The following OXR1 variants were observed in gnomAD, a reference collection of about 807,000 sequenced individuals.
The protein encoded by OXR1 is oxidation resistance protein 1.
In OXR1, 41 loss-of-function variants were observed where a neutral mutation model predicts 104.6. The ratio of observed to expected loss-of-function variants is 0.39; its 90% CI spans 0.31 to 0.51. The LOEUF (loss-of-function observed/expected upper bound fraction) is 0.51, where lower values mean the gene tolerates loss of function less well. Among genes scored for constraint, OXR1 ranks in the 20% least tolerant of loss-of-function variants. OXR1 has a pLI of 0.77. For synonymous variants in OXR1, 348 were observed against 348.4 expected, an observed-to-expected ratio of 1.00 and a Z score of 0.01; for missense variants, 955 against 1,031.9, an observed-to-expected ratio of 0.93 and a Z score of 1.02.
intron 2 of OXR1, among the ~76,000 whole-genome samples, chr8:106,501,776 G>A (rs555587634): frequency 6.6e-6 from 1 of 152,150 alleles, no homozygotes; most frequent in South Asian, 2.1e-4. Flanking sequence ...GACTGTCAGT[G>A]CTTTTTCTCC....
Position 106,529,592 on chromosome 8 carries a change from A to G in OXR1, c.220+10453A>G, listed in dbSNP as rs561781642. Among the ~76,000 whole-genome samples, 184 of 152,304 alleles carry G rather than the reference A, an allele frequency of 1.2e-3. 2 individuals are homozygous for G. The highest frequency in any genetic ancestry group is 0.01 in the Middle Eastern group (3 of 294). ...ATAAGCTTGCCAACTCTAGTTTTAT[A>G]GCATTAGTACCTTATTTTATAGATT... On this transcript the variant is annotated intron_variant, in intron 3 of 16. Coordinates refer to ENST00000517566, the MANE Select transcript of OXR1 (RefSeq NM_001198533.2).
At chr8:106,308,892 T>G (rs1478579785) in intron 1 of OXR1, among the ~76,000 whole-genome samples, 1 of 152,250 alleles carries the variant, frequency 6.6e-6, no homozygotes, top group Admixed American at 6.5e-5. Flanking sequence ...TAAATAGTTC[T>G]CAGCTTGACA....
intron 6 of OXR1, among the ~76,000 whole-genome samples, chr8:106,691,401 T>G (rs1035248340): frequency 1.2e-4 from 19 of 152,068 alleles, no homozygotes; most frequent in African/African-American, 4.6e-4. Context: ...TGGTAATTCC[T>G]CTGAACAACT....
At chr8:106,483,480 T>C (rs1015889947) in intron 2 of OXR1, among the ~76,000 whole-genome samples, 1 of 151,956 alleles carries the variant, frequency 6.6e-6, no homozygotes, top group African/African-American at 2.4e-5. Context: ...GAGGATTGCT[T>C]GAGCCTAGAA....
At chr8:106,431,125 T>G (rs1288327549) in intron 2 of OXR1, among the ~76,000 whole-genome samples, 1 of 152,166 alleles carries the variant, frequency 6.6e-6, no homozygotes, top group Non-Finnish European at 1.5e-5. Context: ...TAAGATATGC[T>G]GAAGATATGC....
chr8:106,322,192 A>C (rs1299872395), intron 1 of OXR1, among the ~76,000 whole-genome samples: 1 of 152,320 alleles, frequency 6.6e-6, no homozygotes, highest in East Asian at 1.9e-4. Flanking sequence ...TCAAAAAGTT[A>C]ATCCAGTGTG....
At chr8:106,516,341 T>G (rs1812858775) in intron 2 of OXR1, among the ~76,000 whole-genome samples, 1 of 152,142 alleles carries the variant, frequency 6.6e-6, no homozygotes, top group African/African-American at 2.4e-5. Flanking sequence ...CCACCTAATT[T>G]GTTATATATT....
chr8:106,609,355 G>A (rs1442988900), intron 3 of OXR1, among the ~76,000 whole-genome samples: 1 of 152,172 alleles, frequency 6.6e-6, no homozygotes, highest in Non-Finnish European at 1.5e-5. Context: ...ATATACACAG[G>A]AGGTCAGTTT....
chr8:106,673,208 G>C (rs1372429715), intron 3 of OXR1, among the ~76,000 whole-genome samples: 1 of 152,202 alleles, frequency 6.6e-6, no homozygotes, highest in Non-Finnish European at 1.5e-5. Context: ...GGTAAATGAA[G>C]TCCAGGCTGA....
At chr8:106,720,639 A>G (rs182658883) in intron 11 of OXR1, 25 of 555,880 alleles carry the variant, frequency 4.5e-5, no homozygotes, top group Admixed American at 6.3e-5. Flanking sequence ...AGCCATGCAG[A>G]TACAATTGAT....
At chr8:106,378,194 G>C (rs967044025) in intron 2 of OXR1, among the ~76,000 whole-genome samples, 1 of 152,148 alleles carries the variant, frequency 6.6e-6, no homozygotes, top group Non-Finnish European at 1.5e-5. Context: ...GTAAAGACAG[G>C]TTACTGTAGG....
chr8:106,423,061 C>T lies in OXR1; in HGVS notation c.23+63425C>T, dbSNP rs1404608430. On this transcript the variant is annotated intron_variant, in intron 2 of 16. Transcript: ENST00000517566. ...GCTGACCCAGCCCACTGGACCACAG[C>T]CTTGGCTCTGACTGTGTTTTCAACT... Among the ~76,000 whole-genome samples, 4 of 152,090 alleles carry T rather than the reference C, an allele frequency of 2.6e-5. No homozygotes were observed. The East Asian group carries it at 5.8e-4, about 22-fold the overall frequency.
chr8:106,302,375 G>A (rs1813273994), intron 1 of OXR1, among the ~76,000 whole-genome samples: 1 of 152,108 alleles, frequency 6.6e-6, no homozygotes, highest in South Asian at 2.1e-4. Flanking sequence ...GAGGTCAGGA[G>A]ATCGAGATCA....
chr8:106,360,189 A>G (rs941992779), intron 2 of OXR1, among the ~76,000 whole-genome samples: 2 of 152,218 alleles, frequency 1.3e-5, no homozygotes, highest in Non-Finnish European at 2.9e-5. Context: ...TTGGGATTTA[A>G]AAAAAGAAGT....
At chr8:106,474,669 G>A (rs1018380750) in intron 2 of OXR1, among the ~76,000 whole-genome samples, 8 of 151,936 alleles carry the variant, frequency 5.3e-5, no homozygotes, top group South Asian at 2.1e-4. Flanking sequence ...TTTGTGCTAC[G>A]TCAGCAGAGG....
chr8:106,533,769 CA>C (rs1358780748), intron 3 of OXR1, among the ~76,000 whole-genome samples: 2 of 145,554 alleles, frequency 1.4e-5, no homozygotes, highest in Non-Finnish European at 3.0e-5. Flanking sequence ...GGCTGGAGTA[CA>C]ATGGCACAAT....
At chr8:106,630,830 CT>C (rs2130890430) in intron 3 of OXR1, among the ~76,000 whole-genome samples, 1 of 152,280 alleles carries the variant, frequency 6.6e-6, no homozygotes, top group African/African-American at 2.4e-5. Context: ...CTTTCTGTTT[CT>C]AACACTTCTA....
At chr8:106,652,588 T>C (rs1824682545) in intron 3 of OXR1, among the ~76,000 whole-genome samples, 1 of 151,000 alleles carries the variant, frequency 6.6e-6, no homozygotes, top group Non-Finnish European at 1.5e-5. Context: ...AAGTACAATA[T>C]ACCAAAATTT....
chr8:106,574,606 A>C (rs1817696422), intron 3 of OXR1, among the ~76,000 whole-genome samples: 1 of 152,226 alleles, frequency 6.6e-6, no homozygotes, highest in South Asian at 2.1e-4. Flanking sequence ...AGTAGGGAGA[A>C]AGCAAGAAGG....
Sources: gnomAD v4.1 joint callset for allele counts (sites outside exome capture counted in the v4.1 genomes callset) on GRCh38, gnomAD v4.1.1 for gene constraint, MANE v1.5 for transcripts, NCBI Gene and HGNC (gene_info 2026-07-23, HGNC 2026-07-21) for gene names.